SEC23A: variants seen among roughly 807,000 people sequenced by gnomAD.
The protein encoded by SEC23A is SEC23 homolog A, COPII component.
In SEC23A, 56 loss-of-function variants were observed where a neutral mutation model predicts 103.7. The observed-to-expected ratio is 0.54, with a 90% CI of 0.44 to 0.67. The LOEUF is 0.67. Ranked by LOEUF, SEC23A falls within the 30% of genes least tolerant of loss-of-function variation. SEC23A has a pLI of 0.00. For missense variants in SEC23A, 784 were observed against 936.4 expected, an observed-to-expected ratio of 0.84 and a Z score of 2.12; for synonymous variants, 281 against 293.0, an observed-to-expected ratio of 0.96 and a Z score of 0.42.
intron 10 of SEC23A, 111 bp from the exon 11 acceptor site, chr14:39,065,104 A>G (rs1012110330): frequency 3.2e-5 from 24 of 747,074 alleles, no homozygotes; most frequent in Non-Finnish European, 5.3e-5. Context: ...CTCAAAGCCA[A>G]TGAAAATATA....
In SEC23A at chr14:39,039,018, T is replaced by A. The variant is rs771302861; in HGVS notation, c.2208+13A>T. On this transcript the variant is annotated intron_variant, in intron 19 of 19. Coordinates refer to ENST00000307712, the MANE Select transcript of SEC23A (RefSeq NM_006364.4). ...CAAAGAAATAATTTCCAAGACCTGC[T>A]ATTTAAACTTACCTGCCCCCAGGCA... 1 of 1,596,920 alleles carries A rather than the reference T, an allele frequency of 6.3e-7. No homozygotes were observed. The highest frequency in any genetic ancestry group is 1.1e-5 in the South Asian group (1 of 90,714).
intron 10 of SEC23A, among the ~76,000 whole-genome samples, chr14:39,065,989 C>A (rs1224292921): frequency 1.2e-5 from 1 of 81,372 alleles, no homozygotes; most frequent in Non-Finnish European, 2.1e-5. Flanking sequence ...AAGAGCGAAA[C>A]TCCATCTCAA....
intron 2 of SEC23A, among the ~76,000 whole-genome samples, chr14:39,094,338 ATATATATG>A (rs1887779113): frequency 5.3e-5 from 4 of 75,748 alleles, no homozygotes; most frequent in African/African-American, 1.5e-4. Context: ...ACATATACAC[ATATATATG>A]CATATATACA....
rs183135043 is a variant in SEC23A, at chr14:39,033,218, G to C, written c.*21C>G. The C allele has an allele frequency of 2.0e-6, 3 of 1,523,292 alleles. No individual in the cohort carries two copies. Among genetic ancestry groups the C allele is most frequent in the Non-Finnish European group, 2.7e-6 (3 of 1,097,396 alleles). The allele number at this position is 1,523,292 out of a possible 1,614,324, so 94.4% of individuals were successfully genotyped here. A position where few individuals can be genotyped will look rare whatever the true frequency, so the allele number is the denominator to read the frequency against. On this transcript the variant is annotated 3_prime_UTR_variant, in exon 20 of 20. Coordinates refer to ENST00000307712, the MANE Select transcript of SEC23A (RefSeq NM_006364.4). ...TGAATATTATTTCATCTTCTTAAGT[G>C]TCTTTAACATTATTAGCACTTCAAG...
intron 12 of SEC23A, 122 bp from the exon 13 acceptor site, chr14:39,061,993 T>C (rs1289245907): frequency 2.8e-6 from 2 of 707,076 alleles, no homozygotes; most frequent in South Asian, 1.5e-5. Context: ...AGGATACTTA[T>C]TTCCAGTGCA....
intron 12 of SEC23A, 93 bp downstream of exon 12, chr14:39,063,231 T>C (rs993254738): frequency 1.0e-5 from 8 of 778,212 alleles, no homozygotes; most frequent in African/African-American, 3.4e-5. Flanking sequence ...ATATCTACTA[T>C]AGGAAAAAAA....
rs149553223 is a variant in SEC23A, at chr14:39,093,159, G to A, written c.279+28C>T. 1,298 of 1,603,532 alleles carry A rather than the reference G, an allele frequency of 8.1e-4. 8 individuals are homozygous for A. The African/African-American group carries it at 0.015, about 19-fold the overall frequency. ...TGGGATTACAGGCATGAGCCACTGC[G>A]CCCGGCATGCAATGGATGTTTTCTT... is the stretch of plus-strand genomic sequence containing the variant. On this transcript the variant is annotated intron_variant, in intron 3 of 19. Transcript: ENST00000307712.
At chr14:39,078,184 G>A (rs540206827) in intron 7 of SEC23A, among the ~76,000 whole-genome samples, 1 of 152,176 alleles carries the variant, frequency 6.6e-6, no homozygotes, top group African/African-American at 2.4e-5. Flanking sequence ...GAGCCCAGGA[G>A]TTCGATGCTG....
Position 39,048,596 on chromosome 14 carries a change from T to C in SEC23A, c.1737+56A>G, listed in dbSNP as rs576992559. 2.7e-6 allele frequency: 3 copies of C among 1,103,034 alleles called. No homozygotes were observed. In the East Asian group the frequency reaches 7.1e-5, roughly 26 times the overall value. The allele number at this position is 1,103,034 out of a possible 1,614,324, so 68.3% of individuals were successfully genotyped here. On this transcript the variant is annotated intron_variant, in intron 15 of 19. Transcript: ENST00000307712. ...GCATGGATGACATAGGGAGAGCCTG[T>C]CTCTAAAAAAGGAAAAAAAAGAAAA...
chr14:39,095,198 G>A (rs1429551715), intron 2 of SEC23A, among the ~76,000 whole-genome samples: 1 of 152,188 alleles, frequency 6.6e-6, no homozygotes, highest in Non-Finnish European at 1.5e-5. Context: ...TTGGCTGGGG[G>A]GAGAGGGAAT....
chr14:39,041,041 G>C (rs1043450654), intron 17 of SEC23A, 154 bp from the exon 18 acceptor site: 26 of 689,046 alleles, frequency 3.8e-5, no homozygotes, highest in Non-Finnish European at 5.5e-5. Context: ...TTTCAGTAGA[G>C]AAAATATTCT....
chr14:39,094,223 TAC>T (rs1365857831), intron 2 of SEC23A, among the ~76,000 whole-genome samples: 2 of 111,748 alleles, frequency 1.8e-5, no homozygotes, highest in Admixed American at 9.4e-5. Context: ...TATATACACA[TAC>T]ATATATATAT....
chr14:39,049,640 T>C (rs942278390), intron 14 of SEC23A, among the ~76,000 whole-genome samples: 1 of 151,754 alleles, frequency 6.6e-6, no homozygotes, highest in East Asian at 2.0e-4. Flanking sequence ...TAGCCAGGCA[T>C]GGTTGCACGT....
chr14:39,099,390 C>T (rs898997588), intron 1 of SEC23A, among the ~76,000 whole-genome samples: 8 of 151,976 alleles, frequency 5.3e-5, no homozygotes, highest in African/African-American at 1.9e-4. Flanking sequence ...AATTGTCTGA[C>T]CTCGTGATCC....
intron 1 of SEC23A, among the ~76,000 whole-genome samples, 157 bp downstream of exon 1, chr14:39,102,875 G>A (rs1022608326): frequency 6.6e-6 from 1 of 152,150 alleles, no homozygotes; most frequent in Non-Finnish European, 1.5e-5. Flanking sequence ...TGAGAGGGTG[G>A]CAAGCTCAGC....
At chr14:39,077,297 AC>A (rs1180243401) in intron 7 of SEC23A, among the ~76,000 whole-genome samples, 1 of 150,224 alleles carries the variant, frequency 6.7e-6, no homozygotes, top group Non-Finnish European at 1.5e-5. Flanking sequence ...TAATCCCAGC[AC>A]TTTCAGAGGC....
Position 39,093,341 on chromosome 14 carries a change from G to T in SEC23A, c.222-97C>A. 3.0e-6 allele frequency: 3 copies of T among 983,710 alleles called. No individual in the cohort carries two copies. The South Asian group carries it at 4.4e-5, about 14-fold the overall frequency. 60.9% of individuals were successfully genotyped at this position (983,710 alleles called of 1,614,324 possible). A position where few individuals can be genotyped will look rare whatever the true frequency, so the allele number is the denominator to read the frequency against. On this transcript the variant is annotated intron_variant, in intron 2 of 19. Transcript: ENST00000307712. ...TAAAATTAATTTCTTCCTAAAACAT[G>T]AACATATTCAAATTGATAGTCAAAG...
rs774981637 is a variant in SEC23A, at chr14:39,085,792, C to T, written c.798G>A (p.Val266=). The change falls in exon 7 of 20, where the codon GTG becomes GTA. Residue 266 remains valine, a synonymous_variant. Coordinates refer to ENST00000307712, the MANE Select transcript of SEC23A (RefSeq NM_006364.4). ...GCAGTCCTACAGCTATGGAAAGTGC[C>T]ACCCCAGAGGAACGCAAAGGTCTCT... ...QGKRPLRSSG[V]ALSIAVGLLE... is the part of the protein sequence containing the mutation. The T allele has an allele frequency of 6.2e-6, 10 of 1,613,666 alleles. No homozygotes were observed. The highest frequency in any genetic ancestry group is 8.5e-6 in the Non-Finnish European group (10 of 1,179,928).
chr14:39,064,156 G>A (rs1886577494), intron 11 of SEC23A, among the ~76,000 whole-genome samples: 1 of 151,960 alleles, frequency 6.6e-6, no homozygotes, highest in South Asian at 2.1e-4. Flanking sequence ...GAATTGTTAA[G>A]CACTCTGATT....
Sources: allele counts gnomAD v4.1 joint callset (sites outside exome capture counted in the v4.1 genomes callset), GRCh38; gene constraint gnomAD v4.1.1; transcripts MANE v1.5; gene names NCBI Gene and HGNC (gene_info 2026-07-23, HGNC 2026-07-21).